The following ZNF474 variants were observed in gnomAD, a reference collection of about 807,000 sequenced individuals.
ZNF474 encodes the protein 4933409D10Rik.
For missense variants in ZNF474, 511 were observed against 433.8 expected (o/e 1.18, Z -1.58); for synonymous variants, 192 against 162.2 (o/e 1.18, Z -1.39).
chr5:122,140,604 C>T (rs756194218), intron 1 of ZNF474, among the ~76,000 whole-genome samples: 108 of 152,174 alleles, frequency 7.1e-4, no homozygotes, highest in Non-Finnish European at 1.4e-3. Context: ...TGAAATACAC[C>T]TAGTATACAA....
intron 1 of ZNF474, among the ~76,000 whole-genome samples, chr5:122,138,308 A>C (rs1755757107): frequency 6.6e-6 from 1 of 152,174 alleles, no homozygotes. Context: ...CTTTTCCCTC[A>C]CTGTCTAATT....
At chr5:122,141,300 ATTTTTT>A (rs368273210) in intron 1 of ZNF474, among the ~76,000 whole-genome samples, 4 of 64,362 alleles carry the variant, frequency 6.2e-5, no homozygotes, top group East Asian at 5.0e-4. Context: ...ACCCCTGGCT[ATTTTTT>A]TTTTTTTTTT....
intron 1 of ZNF474, among the ~76,000 whole-genome samples, chr5:122,141,140 ATTTTATTTTATTTTAT>A (rs1238591987): frequency 7.1e-5 from 9 of 126,460 alleles, no homozygotes; most frequent in South Asian, 2.6e-4. Flanking sequence ...ATTTTATTTT[ATTTTATTTTATTTTAT>A]TTTATTTTAT....
At chr5:122,144,728 TG>T (rs1490459896) in intron 1 of ZNF474, among the ~76,000 whole-genome samples, 3 of 152,204 alleles carry the variant, frequency 2.0e-5, no homozygotes, top group African/African-American at 7.2e-5. Flanking sequence ...GAAATTCCTT[TG>T]AAGACTTGTT....
intron 1 of ZNF474, among the ~76,000 whole-genome samples, chr5:122,145,245 T>C (rs1755958714): frequency 6.6e-6 from 1 of 152,220 alleles, no homozygotes; most frequent in South Asian, 2.1e-4. Context: ...AAGCCATGCC[T>C]CAGGCTAAGT....
rs533195571 is a variant in ZNF474 at position 122,144,255 on chromosome 5, C to T, written c.-212-7524C>T. Among the ~76,000 whole-genome samples, 5 of 152,244 alleles carry T rather than the reference C, an allele frequency of 3.3e-5. No homozygotes were observed. In the East Asian group the frequency reaches 9.6e-4, roughly 29 times the overall value. On this transcript the variant is annotated intron_variant, in intron 1 of 1. Coordinates refer to ENST00000296600, the MANE Select transcript of ZNF474 (RefSeq NM_207317.3). ...TTTATAACAATTATATCCTAGAAGA[C>T]TTCAGTTGGATTCTCAGTTCCTTGA...
chr5:122,151,718 T>TGTGTG (rs796184155), intron 1 of ZNF474, 61 bp from the exon 2 acceptor site: 122 of 320,188 alleles, frequency 3.8e-4, no homozygotes, highest in African/African-American at 2.5e-3. Context: ...TGTGTGTGTG[T>TGTGTG]GTGTGTGTGT....
At chr5:122,146,220 C>A (rs1755985742) in intron 1 of ZNF474, among the ~76,000 whole-genome samples, 1 of 152,124 alleles carries the variant, frequency 6.6e-6, no homozygotes, top group African/African-American at 2.4e-5. Flanking sequence ...GTGCATAGTC[C>A]CTGTACCCAT....
chr5:122,143,893 A>G (rs903237182), intron 1 of ZNF474, among the ~76,000 whole-genome samples: 1 of 152,228 alleles, frequency 6.6e-6, no homozygotes, highest in South Asian at 2.1e-4. Context: ...CAACCGATCA[A>G]TAAATAATTA....
Position 122,143,888 on chromosome 5 carries a change from G to A in ZNF474, c.-212-7891G>A, listed in dbSNP as rs117237189. On this transcript the variant is annotated intron_variant, in intron 1 of 1. Coordinates refer to ENST00000296600, the MANE Select transcript of ZNF474 (RefSeq NM_207317.3). ...AAGAGTAGCTCTTATGATATCAACC[G>A]ATCAATAAATAATTATGGGAATGTC... 1.4e-3 allele frequency among the ~76,000 whole-genome samples: 209 copies of A among 152,176 alleles called. 2 individuals are homozygous for A. The East Asian group carries it at 0.034, about 25-fold the overall frequency.
chr5:122,151,738 T>TGTG, intron 1 of ZNF474, 41 bp from the exon 2 acceptor site: 1 of 392,058 alleles, frequency 2.6e-6, no homozygotes, highest in Non-Finnish European at 4.7e-6. Context: ...TGTGTGTGTG[T>TGTG]TTACATAATA....
At chr5:122,148,407 G>T (rs763874109) in intron 1 of ZNF474, among the ~76,000 whole-genome samples, 1 of 152,214 alleles carries the variant, frequency 6.6e-6, no homozygotes, top group Non-Finnish European at 1.5e-5. Context: ...ATGTTTCATC[G>T]TGTTTGCTGC....
Position 122,153,382 on chromosome 5 carries a change from A to G in ZNF474, c.*297A>G, listed in dbSNP as rs35279529. ...AAAATGAGTCATTAATGCTGTGTCT[A>G]CATTACAGAGATATAATTCCCATTC... On this transcript the variant is annotated 3_prime_UTR_variant, in exon 2 of 2. Transcript: ENST00000296600. The G allele has an allele frequency of 0.15, 50,282 of 334,200 alleles. 4,514 individuals carry two copies. The highest frequency in any genetic ancestry group is 0.2 in the Non-Finnish European group (35,065 of 175,744). The allele number at this position is 334,200 out of a possible 1,614,324, so 20.7% of individuals were successfully genotyped here. A position where few individuals can be genotyped will look rare whatever the true frequency, so the allele number is the denominator to read the frequency against.
intron 1 of ZNF474, among the ~76,000 whole-genome samples, chr5:122,131,693 A>G (rs1354139909): frequency 2.0e-5 from 3 of 152,086 alleles, no homozygotes; most frequent in Non-Finnish European, 4.4e-5. Flanking sequence ...TAGGGTAGAT[A>G]TTTGTAATAA....
At chr5:122,142,767 T>C (rs1473949538) in intron 1 of ZNF474, among the ~76,000 whole-genome samples, 1 of 152,102 alleles carries the variant, frequency 6.6e-6, no homozygotes, top group Non-Finnish European at 1.5e-5. Context: ...CTTATTCACA[T>C]AGAAGGATGA....
chr5:122,136,928 G>A (rs909325352), intron 1 of ZNF474, among the ~76,000 whole-genome samples: 4 of 152,172 alleles, frequency 2.6e-5, no homozygotes, highest in Non-Finnish European at 4.4e-5. Context: ...GGCACTGGGC[G>A]AGGTGCTGGT....
chr5:122,151,705 A>ATGTC (rs58814754), intron 1 of ZNF474, 74 bp from the exon 2 acceptor site: 2,072 of 205,882 alleles, frequency 0.01, 22 homozygotes, highest in African/African-American at 0.027. Flanking sequence ...AACAACCTAA[A>ATGTC]TGTGTGTGTG....
Position 122,152,839 on chromosome 5 carries a change from G to A in ZNF474, c.849G>A (p.Gln283=). The change falls in exon 2 of 2, where the codon CAG becomes CAA. Residue 283 remains glutamine (Q), a synonymous_variant. Transcript: ENST00000296600. ...GCCAAGCGGGACCAAATCAAGCTCAGCTTGTGTTCTGCCCACATTGTAGCC... is the reference window on the plus strand; with the variant it reads ...GCCAAGCGGGACCAAATCAAGCTCAACTTGTGTTCTGCCCACATTGTAGCC... The part of the protein sequence containing the change: ...QSSQAGPNQA[Q]LVFCPHCSRI... 1.2e-6 allele frequency: 2 copies of A among 1,614,142 alleles called. No individual in the cohort carries two copies. Among genetic ancestry groups the A allele is most frequent in the Non-Finnish European group, 1.7e-6 (2 of 1,180,030 alleles).
rs368273210 is a variant in ZNF474, at chr5:122,141,300, A to ATTTTTTTTTTT, written c.-212-10464_-212-10454dup. On this transcript the variant is annotated intron_variant, in intron 1 of 1. Coordinates refer to ENST00000296600, the MANE Select transcript of ZNF474 (RefSeq NM_207317.3). Reference sequence around the variant, plus strand: ...CGAGTAGCTGGGATTACCCCTGGCTATTTTTTTTTTTTTTTTTTTTTTTTT... The same window carrying ATTTTTTTTTTT: ...CGAGTAGCTGGGATTACCCCTGGCTATTTTTTTTTTTTTTTTTTTTTTTTTTTTTTTTTTTT... Among the ~76,000 whole-genome samples, 112 of 64,352 alleles carry ATTTTTTTTTTT rather than the reference A, an allele frequency of 1.7e-3. 9 individuals carry two copies. The highest frequency in any genetic ancestry group is 7.6e-3 in the African/African-American group (103 of 13,582). 42.2% of individuals were successfully genotyped at this position (64,352 alleles called of 152,430 possible).
Sources: allele counts gnomAD v4.1 joint callset (sites outside exome capture counted in the v4.1 genomes callset), GRCh38; gene constraint gnomAD v4.1.1; transcripts MANE v1.5; gene names NCBI Gene and HGNC (gene_info 2026-07-23, HGNC 2026-07-21).